MARCHF11: variants seen among roughly 807,000 people sequenced by gnomAD.
MARCHF11 encodes the protein E3 ubiquitin-protein ligase MARCHF11.
A neutral mutation model predicts 37.3 loss-of-function variants in MARCHF11; 29 were observed. That is an observed-to-expected ratio of 0.78 (90% CI 0.58 to 1.06). MARCHF11 has a LOEUF of 1.06. Among genes scored for constraint, MARCHF11 ranks in the 50% least tolerant of loss-of-function variants. The pLI, the probability that MARCHF11 is intolerant of heterozygous loss-of-function variation, is 0.00. For missense variants in MARCHF11, 482 were observed against 533.4 expected, an observed-to-expected ratio of 0.90 and a Z score of 0.95; for synonymous variants, 233 against 228.0, an observed-to-expected ratio of 1.02 and a Z score of -0.20.
At chr5:16,118,276 T>C (rs916051392) in intron 2 of MARCHF11, among the ~76,000 whole-genome samples, 5 of 152,218 alleles carry the variant, frequency 3.3e-5, no homozygotes, top group Non-Finnish European at 7.3e-5. Context: ...TCCAAGCTAA[T>C]CGGGGAACCA....
intron 2 of MARCHF11, among the ~76,000 whole-genome samples, chr5:16,094,272 G>A (rs1736830727): frequency 6.6e-6 from 1 of 152,148 alleles, no homozygotes; most frequent in Non-Finnish European, 1.5e-5. Flanking sequence ...CTTGTCCTTG[G>A]AGGGTGTGCA....
At position 16,070,284 on chromosome 5, in the gene MARCHF11, AC is replaced by A. The variant is rs1179412243; in HGVS notation, c.887-2492del. 2.0e-5 allele frequency among the ~76,000 whole-genome samples: 3 copies of A among 152,310 alleles called. No homozygotes were observed. The East Asian group carries it at 5.8e-4, about 29-fold the overall frequency. On this transcript the variant is annotated intron_variant, in intron 3 of 3. Coordinates refer to ENST00000332432, the MANE Select transcript of MARCHF11 (RefSeq NM_001102562.3). The stretch of plus-strand genomic sequence containing the variant: ...TTCCTCCTTAAAATGAAATCAGAAC[AC>A]CTAATCTTTACATTCAGCCAGGCAG...
intron 2 of MARCHF11, among the ~76,000 whole-genome samples, chr5:16,132,786 G>A (rs1737538687): frequency 1.3e-5 from 2 of 152,072 alleles, no homozygotes; most frequent in Non-Finnish European, 2.9e-5. Context: ...AACATGGAGA[G>A]AAAACTCTTC....
chr5:16,151,633 T>C (rs529842405), intron 2 of MARCHF11, among the ~76,000 whole-genome samples: 96 of 138,962 alleles, frequency 6.9e-4, no homozygotes, highest in African/African-American at 2.2e-3. Flanking sequence ...TGTGTGTGTG[T>C]GCATGCGTGA....
At chr5:16,108,414 T>A (rs1277785521) in intron 2 of MARCHF11, among the ~76,000 whole-genome samples, 1 of 152,208 alleles carries the variant, frequency 6.6e-6, no homozygotes, top group Non-Finnish European at 1.5e-5. Flanking sequence ...GTGCCCTTTA[T>A]TAAAAGAAAT....
intron 2 of MARCHF11, among the ~76,000 whole-genome samples, chr5:16,139,334 G>C (rs1737665024): frequency 6.6e-6 from 1 of 152,194 alleles, no homozygotes; most frequent in South Asian, 2.1e-4. Context: ...CACCATGTAA[G>C]ATGTGACTTT....
intron 2 of MARCHF11, among the ~76,000 whole-genome samples, chr5:16,108,965 A>T (rs1737092276): frequency 6.6e-6 from 1 of 152,114 alleles, no homozygotes; most frequent in Admixed American, 6.5e-5. Context: ...AACCTCGATG[A>T]GGGTCCTAAC....
intron 3 of MARCHF11, among the ~76,000 whole-genome samples, chr5:16,069,692 G>A (rs965929473): frequency 4.6e-5 from 7 of 152,128 alleles, no homozygotes; most frequent in Non-Finnish European, 8.8e-5. Flanking sequence ...AGAAAGCGGG[G>A]AAAATCAGAG....
chr5:16,169,170 A>G (rs1481137519), intron 2 of MARCHF11, among the ~76,000 whole-genome samples: 1 of 152,036 alleles, frequency 6.6e-6, no homozygotes, highest in Non-Finnish European at 1.5e-5. Flanking sequence ...CAAATGGAGT[A>G]AGGAGATGAA....
chr5:16,155,460 G>A (rs1737965393), intron 2 of MARCHF11, among the ~76,000 whole-genome samples: 1 of 151,626 alleles, frequency 6.6e-6, no homozygotes, highest in South Asian at 2.1e-4. Context: ...TAACAATATT[G>A]TATTTTCCTA....
chr5:16,121,745 T>A (rs944600090), intron 2 of MARCHF11, among the ~76,000 whole-genome samples: 3 of 152,158 alleles, frequency 2.0e-5, no homozygotes, highest in Non-Finnish European at 4.4e-5. Context: ...CATTCATAGA[T>A]CCAAAAATCA....
chr5:16,131,452 A>G (rs1737513338), intron 2 of MARCHF11, among the ~76,000 whole-genome samples: 1 of 152,248 alleles, frequency 6.6e-6, no homozygotes, highest in African/African-American at 2.4e-5. Flanking sequence ...AAGAAGGGTG[A>G]AAAACATGTG....
intron 2 of MARCHF11, among the ~76,000 whole-genome samples, chr5:16,104,942 CAT>C (rs1310682755): frequency 6.6e-6 from 1 of 151,426 alleles, no homozygotes; most frequent in Non-Finnish European, 1.5e-5. Flanking sequence ...CACACACACA[CAT>C]CCCACATCCC....
intron 2 of MARCHF11, among the ~76,000 whole-genome samples, chr5:16,168,544 G>A (rs986941570): frequency 1.3e-5 from 2 of 152,120 alleles, no homozygotes; most frequent in African/African-American, 2.4e-5. Flanking sequence ...AGGAGGAGAC[G>A]GAAAGGTGGT....
At chr5:16,111,461 A>G (rs1236383888) in intron 2 of MARCHF11, among the ~76,000 whole-genome samples, 1 of 152,202 alleles carries the variant, frequency 6.6e-6, no homozygotes, top group Non-Finnish European at 1.5e-5. Flanking sequence ...CTGCTGCCCT[A>G]GAGATTTATG....
intron 2 of MARCHF11, among the ~76,000 whole-genome samples, chr5:16,148,534 A>T (rs1737842373): frequency 6.6e-6 from 1 of 152,190 alleles, no homozygotes; most frequent in South Asian, 2.1e-4. Context: ...AGAGGGAATA[A>T]GCATCTGACC....
intron 2 of MARCHF11, among the ~76,000 whole-genome samples, chr5:16,117,266 A>T (rs1737239232): frequency 6.6e-6 from 1 of 152,234 alleles, no homozygotes; most frequent in Non-Finnish European, 1.5e-5. Flanking sequence ...GATAAATAAA[A>T]TATGACTGAA....
At position 16,179,071 on chromosome 5, in the gene MARCHF11, T is replaced by C. The variant is rs1271739040; in HGVS notation, c.505A>G (p.Ile169Val). ...AGHQHQHHQP[I>V]CKICFQGAEQ... ...GCGCCCTGGAAGCAGATCTTGCAGA[T>C]GGGCTGGTGGTGCTGGTGCTGGTGC... Residue 169 changes from isoleucine to valine, a missense_variant, in exon 1 of 4, where the codon ATC (isoleucine) becomes GTC (valine). Physicochemically the swap from Ile to Val is conservative, Grantham distance 29. Transcript: ENST00000332432. The C allele has an allele frequency of 2.0e-6, 3 of 1,492,224 alleles. No homozygotes were observed. Among genetic ancestry groups the C allele is most frequent in the Non-Finnish European group, 1.8e-6 (2 of 1,127,156 alleles). 92.4% of individuals were successfully genotyped at this position (1,492,224 alleles called of 1,614,324 possible). A position where few individuals can be genotyped will look rare whatever the true frequency, so the allele number is the denominator to read the frequency against.
At position 16,095,895 on chromosome 5, in the gene MARCHF11, A is replaced by T. The variant is rs145257328; in HGVS notation, c.694-4814T>A. Among the ~76,000 whole-genome samples the T allele has an allele frequency of 1.8e-4, 27 of 152,332 alleles. 3 individuals carry two copies. Among genetic ancestry groups the T allele is most frequent in the African/African-American group, 6.5e-4 (27 of 41,574 alleles). On this transcript the variant is annotated intron_variant, in intron 2 of 3. Coordinates refer to ENST00000332432, the MANE Select transcript of MARCHF11 (RefSeq NM_001102562.3). ...GTGCACCACAGAGCTGAGCACACCC[A>T]GGAAATGCTGGAAATACACGGAATT...
Sources: gnomAD v4.1 joint callset for allele counts (sites outside exome capture counted in the v4.1 genomes callset) on GRCh38, gnomAD v4.1.1 for gene constraint, MANE v1.5 for transcripts, NCBI Gene and HGNC (gene_info 2026-07-23, HGNC 2026-07-21) for gene names.